Variants in CFAP70 observed in about 807,000 individuals in gnomAD.
CFAP70 encodes the protein cilia and flagella associated protein 70.
Under a neutral mutation model 137.6 loss-of-function variants are expected in CFAP70, and 81 were observed. The ratio of observed to expected loss-of-function variants is 0.59; its 90% CI spans 0.49 to 0.71. The LOEUF (loss-of-function observed/expected upper bound fraction) is 0.71. CFAP70 is among the 30% of genes least tolerant of loss of function. The probability of loss-of-function intolerance (pLI) is 0.00; values close to 1 mark genes in which losing one functional copy is unlikely to be tolerated. For synonymous variants in CFAP70, 382 were observed against 423.6 expected, an observed-to-expected ratio of 0.90 and a Z score of 1.20; for missense variants, 976 against 1,226.7, an observed-to-expected ratio of 0.80 and a Z score of 3.05.
At chr10:73,299,355 G>A (rs1252572613) in intron 13 of CFAP70, among the ~76,000 whole-genome samples, 1 of 152,084 alleles carries the variant, frequency 6.6e-6, no homozygotes, top group East Asian at 1.9e-4. Context: ...CTACAGGTGT[G>A]TGCCACCACA....
intron 19 of CFAP70, among the ~76,000 whole-genome samples, chr10:73,284,672 T>TG (rs144600387): frequency 0.11 from 14,654 of 137,236 alleles, 1,269 homozygotes; most frequent in East Asian, 0.32. Flanking sequence ...AATTGTGGTT[T>TG]TTTTTTAATG....
intron 19 of CFAP70, among the ~76,000 whole-genome samples, chr10:73,278,763 G>A (rs368217149): frequency 5.9e-5 from 9 of 151,862 alleles, no homozygotes; most frequent in Non-Finnish European, 1.0e-4. Flanking sequence ...GGTGGATCAC[G>A]AGGTCAGGAG....
chr10:73,256,219 C>A, intron 26 of CFAP70, 150 bp downstream of exon 27: 1 of 784,338 alleles, frequency 1.3e-6, no homozygotes, highest in Non-Finnish European at 2.0e-6. Context: ...TATTACAAAC[C>A]CAGCAGCCCC....
At chr10:73,276,303 C>G (rs1459963862) in intron 21 of CFAP70, 1 of 152,110 alleles carries the variant, frequency 6.6e-6, no homozygotes, top group African/African-American at 2.4e-5. Flanking sequence ...GTTAGATATA[C>G]TTCTTAAGTC....
chr10:73,259,815 G>A (rs538666248), intron 25 of CFAP70, among the ~76,000 whole-genome samples: 8 of 152,216 alleles, frequency 5.3e-5, no homozygotes, highest in South Asian at 4.1e-4. Context: ...AAGATCGCTC[G>A]AGCCCATGTG....
Position 73,262,001 on chromosome 10 carries a change from TAC to T in CFAP70, c.3028-5587_3028-5586del, listed in dbSNP as rs1273524749. On this transcript the variant is annotated intron_variant, in intron 25 of 26. Coordinates refer to ENST00000310715, the Ensembl canonical transcript of CFAP70. ...ATATGTATACATATGTATATATGTA[TAC>T]ATATGTATATATGTATATATTATAT... is the stretch of plus-strand genomic sequence containing the variant. Among the ~76,000 whole-genome samples the T allele has an allele frequency of 1.4e-3, 197 of 142,184 alleles. 1 individual carries two copies. The highest frequency in any genetic ancestry group is 4.6e-3 in the African/African-American group (181 of 39,138). 93.3% of individuals were successfully genotyped at this position (142,184 alleles called of 152,430 possible). A position where few individuals can be genotyped will look rare whatever the true frequency, so the allele number is the denominator to read the frequency against.
chr10:73,300,299 CTT>C (rs1284201252), intron 12 of CFAP70, among the ~76,000 whole-genome samples: 1 of 152,096 alleles, frequency 6.6e-6, no homozygotes, highest in Non-Finnish European at 1.5e-5. Flanking sequence ...GCTCTTCTCC[CTT>C]TTAGTTTCAG....
chr10:73,334,705 G>A (rs6480697), intron 7 of CFAP70, among the ~76,000 whole-genome samples: 15,957 of 151,026 alleles, frequency 0.11, 1,217 homozygotes, highest in East Asian at 0.31. Context: ...TCAGCCTCTC[G>A]AGTAGCTGGG....
At chr10:73,307,463 G>T (rs1204556441) in intron 12 of CFAP70, among the ~76,000 whole-genome samples, 1 of 152,116 alleles carries the variant, frequency 6.6e-6, no homozygotes, top group African/African-American at 2.4e-5. Context: ...TCTATCTGCT[G>T]TCTACAAGAT....
At chr10:73,338,432 CTTTTTT>C (rs976162527) in intron 6 of CFAP70, among the ~76,000 whole-genome samples, 41 of 108,556 alleles carry the variant, frequency 3.8e-4, no homozygotes, top group Admixed American at 1.2e-3. Flanking sequence ...ATGTGAATCT[CTTTTTT>C]TTTTTTTTTT....
chr10:73,256,488 GCTAAGGCAGAGGCACCTACAC>G (rs2044509452), intron 25 of CFAP70, 72 bp from the exon 27 acceptor site: 7 of 1,557,150 alleles, frequency 4.5e-6, no homozygotes, highest in Non-Finnish European at 6.2e-6. Flanking sequence ...CATTGCCTCA[GCTAAGGCAGAGGCACCTACAC>G]CTAAGGCAGA....
chr10:73,275,589 T>C lies in CFAP70; in HGVS notation c.2530A>G (p.Arg844Gly), dbSNP rs763182877. The change falls in exon 22 of 27, where the codon AGA becomes GGA. Residue 844 changes from arginine to glycine, a missense_variant. Arg to Gly is a moderately radical substitution (Grantham distance 125). Coordinates refer to ENST00000310715, the Ensembl canonical transcript of CFAP70. This position sits in a 1 kb window ranked among gnomAD's most constrained non-coding sequence, Gnocchi z 4.0. ...CATAACAGCTCATGTGCAAGCACTC[T>C]GTGCACATACTGCAAGGATAATCAG... is the stretch of plus-strand genomic sequence containing the variant. 6 of 1,593,958 alleles carry C rather than the reference T, an allele frequency of 3.8e-6. No homozygotes were observed. The highest frequency in any genetic ancestry group is 8.5e-7 in the Non-Finnish European group (1 of 1,172,278).
At chr10:73,258,519 G>C (rs530937630) in intron 25 of CFAP70, among the ~76,000 whole-genome samples, 2 of 152,340 alleles carry the variant, frequency 1.3e-5, no homozygotes, top group African/African-American at 4.8e-5. Flanking sequence ...TGTAGAGCAC[G>C]TGTGTTTGAA....
intron 6 of CFAP70, among the ~76,000 whole-genome samples, chr10:73,340,718 A>G (rs1376647796): frequency 6.6e-6 from 1 of 152,158 alleles, no homozygotes; most frequent in Non-Finnish European, 1.5e-5. Context: ...GTGTGTCAGC[A>G]CTTCCCTGAG....
chr10:73,342,589 C>T (rs971111742), intron 5 of CFAP70, among the ~76,000 whole-genome samples: 6 of 151,930 alleles, frequency 3.9e-5, no homozygotes, highest in African/African-American at 1.5e-4. Flanking sequence ...AGATAAAGAA[C>T]AGGAACAAGA....
chr10:73,258,388 A>G (rs1158857506), intron 25 of CFAP70, among the ~76,000 whole-genome samples: 2 of 152,238 alleles, frequency 1.3e-5, no homozygotes, highest in Non-Finnish European at 2.9e-5. Flanking sequence ...TCCCCAATCA[A>G]TACTCTTATA....
chr10:73,284,805 A>C (rs1418693248), intron 19 of CFAP70, among the ~76,000 whole-genome samples: 1 of 77,882 alleles, frequency 1.3e-5, no homozygotes, highest in Non-Finnish European at 2.6e-5. Flanking sequence ...TATATATATA[A>C]AAGTTGTTTT....
chr10:73,282,508 G>C (rs959412180), intron 19 of CFAP70, among the ~76,000 whole-genome samples: 9 of 152,044 alleles, frequency 5.9e-5, no homozygotes, highest in African/African-American at 2.2e-4. Context: ...ATTAAAACAG[G>C]GTCTGCATGG....
exon 3 of CFAP70, chr10:73,353,685 C>T (rs2054450082): frequency 6.2e-7 from 1 of 1,614,166 alleles, no homozygotes; most frequent in Non-Finnish European, 8.5e-7. Flanking sequence ...TCTCCCAGAA[C>T]CACTTGATTG....
Sources: allele counts gnomAD v4.1 joint callset (sites outside exome capture counted in the v4.1 genomes callset), GRCh38; gene constraint gnomAD v4.1.1; non-coding constraint Gnocchi (gnomAD v3.1); transcripts MANE v1.5; gene names NCBI Gene and HGNC (gene_info 2026-07-23, HGNC 2026-07-21).